ZSCAN32: variants seen among roughly 807,000 people sequenced by gnomAD.
The protein encoded by ZSCAN32 is zinc finger and SCAN domain-containing protein 32.
ZSCAN32 carries 52 observed loss-of-function variants against 47.4 expected under a neutral mutation model. The ratio of observed to expected loss-of-function variants is 1.10; its 90% CI spans 0.88 to 1.38. ZSCAN32 has a LOEUF of 1.38. Ranked by LOEUF, ZSCAN32 falls within the 40% of genes most tolerant of loss-of-function variation. The probability of loss-of-function intolerance (pLI) is 0.00; values close to 1 mark genes in which losing one functional copy is unlikely to be tolerated. For synonymous variants in ZSCAN32, 346 were observed against 305.7 expected (o/e 1.13, Z -1.38); for missense variants, 959 against 846.0 (o/e 1.13, Z -1.66).
chr16:3,382,896 T>C lies in ZSCAN32; in HGVS notation c.2050A>G (p.Met684Val), dbSNP rs1240990881. The C allele has an allele frequency of 7.5e-6, 12 of 1,600,846 alleles. No individual in the cohort carries two copies. Among genetic ancestry groups the C allele is most frequent in the East Asian group, 4.5e-5 (2 of 44,664 alleles). Residue 684 changes from methionine to valine, a missense_variant, in exon 7 of 7, where the codon ATG becomes GTG. Physicochemically the swap from Met to Val is conservative, Grantham distance 21. Transcript: ENST00000396852. ...SALTRHQTVHMKAVLSSQEGR... is the reference protein window; with the variant it reads ...SALTRHQTVHVKAVLSSQEGR... ...TCCTGTGATGAGAGTACTGCTTTCATGTGTACTGTCTGATGACGGGTGAGG... is the reference window on the plus strand; with the variant it reads ...TCCTGTGATGAGAGTACTGCTTTCACGTGTACTGTCTGATGACGGGTGAGG...
At position 3,382,826 on chromosome 16, in the gene ZSCAN32, C is replaced by A; in HGVS notation, c.*26G>T. On this transcript the variant is annotated 3_prime_UTR_variant, in exon 7 of 7. Transcript: ENST00000396852. ...AGCTCATACATGCTGACCTGAGGAACTTAATCTGACAGTTTACCGACACAC... is the reference window on the plus strand; with the variant it reads ...AGCTCATACATGCTGACCTGAGGAAATTAATCTGACAGTTTACCGACACAC... The A allele has an allele frequency of 6.5e-7, 1 of 1,534,474 alleles. No individual in the cohort carries two copies. The highest frequency in any genetic ancestry group is 8.8e-7 in the Non-Finnish European group (1 of 1,139,490).
chr16:3,397,103 T>C, intron 2 of ZSCAN32, 89 bp downstream of exon 2: 1 of 1,440,036 alleles, frequency 6.9e-7, no homozygotes, highest in Non-Finnish European at 9.2e-7. Context: ...AGGGCTACTG[T>C]GTGTTTCTCA....
chr16:3,400,067 G>T (rs1274783880), intron 1 of ZSCAN32, among the ~76,000 whole-genome samples: 1 of 152,152 alleles, frequency 6.6e-6, no homozygotes, highest in Non-Finnish European at 1.5e-5. Context: ...CAGGACTACT[G>T]AGCTGTACAC....
At chr16:3,398,941 G>A (rs1246477257) in intron 1 of ZSCAN32, among the ~76,000 whole-genome samples, 1 of 152,028 alleles carries the variant, frequency 6.6e-6, no homozygotes, top group Non-Finnish European at 1.5e-5. Flanking sequence ...AGTCCCCCTC[G>A]ACCAGGCGTG....
chr16:3,400,003 C>CCT (rs2033738949), intron 1 of ZSCAN32, among the ~76,000 whole-genome samples: 1 of 152,148 alleles, frequency 6.6e-6, no homozygotes, highest in Non-Finnish European at 1.5e-5. Context: ...GCTGATACAC[C>CCT]CTCACCATGT....
At chr16:3,393,598 T>C in intron 3 of ZSCAN32, 51 bp downstream of exon 3, 3 of 1,464,138 alleles carry the variant, frequency 2.0e-6, no homozygotes, top group South Asian at 1.4e-5. Flanking sequence ...TTGTTTCCAG[T>C]AAATGATTGT....
At position 3,390,092 on chromosome 16, in the gene ZSCAN32, C is replaced by G. The variant is rs1417788183; in HGVS notation, c.669G>C (p.Gln223His). ...CAGGGCCTGGGCACATCCATTCTTGCTGACAGAGGGATACAGCTCTGTTGT... is the reference window on the plus strand; with the variant it reads ...CAGGGCCTGGGCACATCCATTCTTGGTGACAGAGGGATACAGCTCTGTTGT... ...MRDNRAVSLC[Q>H]QEWMCPGPAQ... Residue 223 changes from glutamine to histidine, a missense_variant, in exon 5 of 7, where the codon CAG (glutamine) becomes CAC (histidine). Physicochemically the swap from Gln to His is conservative, Grantham distance 24. Transcript: ENST00000396852. 8 of 1,613,864 alleles carry G rather than the reference C, an allele frequency of 5.0e-6. No individual in the cohort carries two copies. Among genetic ancestry groups the G allele is most frequent in the Non-Finnish European group, 6.8e-6 (8 of 1,179,886 alleles).
chr16:3,399,013 G>A (rs559883939), intron 1 of ZSCAN32, among the ~76,000 whole-genome samples: 3 of 152,216 alleles, frequency 2.0e-5, no homozygotes, highest in South Asian at 2.1e-4. Context: ...ACGTGGTCAG[G>A]AGATCTAGAC....
At position 3,384,808 on chromosome 16, in the gene ZSCAN32, CCA is replaced by C. The variant is rs1372890267; in HGVS notation, c.883_884del (p.Trp295GlyfsTer32). 6.2e-7 allele frequency: 1 copy of C among 1,614,166 alleles called. No individual in the cohort carries two copies. The highest frequency in any genetic ancestry group is 2.2e-5 in the East Asian group (1 of 44,884). ...QIYRAMAEGL[W>X]EQGFLRTPEQ... ...CTGGGGTCCGCAGAAAACCCTGCTC[CCA>C]GAGTCCTTCCGCCATGGCCCTGTAG... is the stretch of plus-strand genomic sequence containing the variant. On this transcript the variant is annotated frameshift_variant, in exon 6 of 7. Transcript: ENST00000396852. LOFTEE classifies it high-confidence loss of function.
intron 1 of ZSCAN32, among the ~76,000 whole-genome samples, chr16:3,400,686 C>T (rs958964356): frequency 1.3e-5 from 2 of 152,294 alleles, no homozygotes; most frequent in Non-Finnish European, 1.5e-5. Context: ...GAGACAGGGA[C>T]GAGATGAGCA....
rs980778964 is a variant in ZSCAN32, at chr16:3,382,795, G to A, written c.*57C>T. The stretch of plus-strand genomic sequence containing the variant: ...GGACTGGCTAGATCTCTCCACAGCA[G>A]AAGAAAGCTCATACATGCTGACCTG... On this transcript the variant is annotated 3_prime_UTR_variant, in exon 7 of 7. Coordinates refer to ENST00000396852, the MANE Select transcript of ZSCAN32 (RefSeq NM_001284527.2). 17 of 1,520,382 alleles carry A rather than the reference G, an allele frequency of 1.1e-5. No homozygotes were observed. Among genetic ancestry groups the A allele is most frequent in the Middle Eastern group, 1.8e-4 (1 of 5,556 alleles). The allele number at this position is 1,520,382 out of a possible 1,614,324, so 94.2% of individuals were successfully genotyped here.
At chr16:3,390,783 G>A (rs1395026496) in intron 3 of ZSCAN32, among the ~76,000 whole-genome samples, 1 of 152,156 alleles carries the variant, frequency 6.6e-6, no homozygotes, top group East Asian at 1.9e-4. Flanking sequence ...CGGCCTCTGT[G>A]AGTTGAGAAG....
chr16:3,393,414 CG>C (rs1469056853), intron 3 of ZSCAN32, among the ~76,000 whole-genome samples: 1 of 146,252 alleles, frequency 6.8e-6, no homozygotes, highest in Non-Finnish European at 1.5e-5. Flanking sequence ...TTAGTAGAAA[CG>C]GGGTTTCACG....
intron 1 of ZSCAN32, 82 bp from the exon 2 acceptor site, chr16:3,397,826 C>A: frequency 3.5e-6 from 1 of 288,494 alleles, no homozygotes; most frequent in Non-Finnish European, 6.4e-6. Context: ...CTATCCCTTT[C>A]CTTTACTCCC....
chr16:3,390,165 A>G (rs1371792748), intron 4 of ZSCAN32, 32 bp from the exon 5 acceptor site: 4 of 1,572,740 alleles, frequency 2.5e-6, no homozygotes, highest in Admixed American at 3.7e-5. Context: ...TGCTACCGAT[A>G]AAATAGCACC....
At chr16:3,393,286 G>T in intron 3 of ZSCAN32, among the ~76,000 whole-genome samples, 1 of 77,296 alleles carries the variant, frequency 1.3e-5, no homozygotes, top group Non-Finnish European at 2.6e-5. Flanking sequence ...AGCCCAGGCT[G>T]GAATACAGTG....
chr16:3,395,035 G>A (rs913626521), intron 2 of ZSCAN32, among the ~76,000 whole-genome samples: 3 of 152,186 alleles, frequency 2.0e-5, no homozygotes, highest in Admixed American at 2.0e-4. Flanking sequence ...ATGATTGTCT[G>A]TTTCCCCCAT....
intron 2 of ZSCAN32, 96 bp downstream of exon 2, chr16:3,397,096 G>A (rs1016949701): frequency 7.1e-7 from 1 of 1,416,362 alleles, no homozygotes; most frequent in African/African-American, 1.4e-5. Flanking sequence ...GCAGCAGAGG[G>A]CTACTGTGTG....
At position 3,397,585 on chromosome 16, in the gene ZSCAN32, T is replaced by C. The variant is rs1182367008; in HGVS notation, c.-28A>G. 6.7e-7 allele frequency: 1 copy of C among 1,494,318 alleles called. No homozygotes were observed. Among genetic ancestry groups the C allele is most frequent in the African/African-American group, 1.4e-5 (1 of 71,418 alleles). 92.6% of individuals were successfully genotyped at this position (1,494,318 alleles called of 1,614,324 possible). Reference sequence around the variant, plus strand: ...GCTTCAACGAACTGGCTTACTCTGGTTGCCACTTCTACCCTGGAGATCAGA... The same window carrying C: ...GCTTCAACGAACTGGCTTACTCTGGCTGCCACTTCTACCCTGGAGATCAGA... On this transcript the variant is annotated 5_prime_UTR_variant, in exon 2 of 7. Coordinates refer to ENST00000396852, the MANE Select transcript of ZSCAN32 (RefSeq NM_001284527.2).
Sources: gnomAD v4.1 joint callset for allele counts (sites outside exome capture counted in the v4.1 genomes callset) on GRCh38, gnomAD v4.1.1 for gene constraint, MANE v1.5 for transcripts, NCBI Gene and HGNC (gene_info 2026-07-23, HGNC 2026-07-21) for gene names.